Variants in SORCS1 observed in about 807,000 individuals in gnomAD.
SORCS1 encodes sortilin related VPS10 domain containing receptor 1.
SORCS1 carries 60 observed loss-of-function variants against 146.1 expected under a neutral mutation model. The observed-to-expected ratio is 0.41, with a 90% CI of 0.33 to 0.51. The LOEUF is 0.51. SORCS1 is among the 20% of genes least tolerant of loss of function. The pLI is 0.21. For missense variants in SORCS1, 1,352 were observed against 1,487.6 expected (o/e 0.91, Z 1.50); for synonymous variants, 637 against 584.0 (o/e 1.09, Z -1.31).
intron 2 of SORCS1, among the ~76,000 whole-genome samples, chr10:106,883,752 T>C (rs1201233073): frequency 6.6e-6 from 1 of 152,194 alleles, no homozygotes; most frequent in Non-Finnish European, 1.5e-5. Flanking sequence ...GTATATCTAT[T>C]GCCAGCTCTA....
At chr10:106,893,631 CA>C in intron 2 of SORCS1, among the ~76,000 whole-genome samples, 2 of 152,142 alleles carry the variant, frequency 1.3e-5, no homozygotes, top group African/African-American at 4.8e-5. Context: ...ATGTTGCATG[CA>C]AAAATTATTA....
In SORCS1 at chr10:106,709,208, G is replaced by C; in HGVS notation, c.1143+15C>G. ...AAGGTTTCTGAGACAATCAACAGAA[G>C]TGGATTTTTCCTACCTGAACAAACA... On this transcript the variant is annotated intron_variant, in intron 7 of 25. Coordinates refer to ENST00000263054, the MANE Select transcript of SORCS1 (RefSeq NM_052918.5). 1 of 1,584,734 alleles carries C rather than the reference G, an allele frequency of 6.3e-7. No homozygotes were observed. Among genetic ancestry groups the C allele is most frequent in the East Asian group, 2.2e-5 (1 of 44,682 alleles).
chr10:107,072,099 A>G (rs1316779156), intron 1 of SORCS1, among the ~76,000 whole-genome samples: 1 of 152,220 alleles, frequency 6.6e-6, no homozygotes, highest in East Asian at 1.9e-4. Flanking sequence ...CTGCTGCCCA[A>G]GTGAAGATGC....
chr10:106,635,621 G>C lies in SORCS1; in HGVS notation c.2476-6233C>G, dbSNP rs147591267. Among the ~76,000 whole-genome samples, 5 of 152,214 alleles carry C rather than the reference G, an allele frequency of 3.3e-5. No homozygotes were observed. In the East Asian group the frequency reaches 9.7e-4, roughly 29 times the overall value. On this transcript the variant is annotated intron_variant, in intron 18 of 25. Transcript: ENST00000263054. Reference sequence around the variant, plus strand: ...ATTTCTCCAAATTTAAAAGGGGGTAGAGTACTGAATAACACAAGAAACATT... The same window carrying C: ...ATTTCTCCAAATTTAAAAGGGGGTACAGTACTGAATAACACAAGAAACATT...
chr10:106,877,802 G>A (rs1159699686), intron 2 of SORCS1, among the ~76,000 whole-genome samples: 1 of 152,118 alleles, frequency 6.6e-6, no homozygotes, highest in African/African-American at 2.4e-5. Context: ...GTGCAGAGAA[G>A]AGAGGCAATG....
chr10:106,708,437 A>G (rs1025532128), intron 7 of SORCS1, among the ~76,000 whole-genome samples: 3 of 152,172 alleles, frequency 2.0e-5, no homozygotes, highest in African/African-American at 7.2e-5. Flanking sequence ...GTATACTTTT[A>G]TATATACGTA....
At chr10:106,887,124 A>G (rs1951030989) in intron 2 of SORCS1, among the ~76,000 whole-genome samples, 1 of 152,216 alleles carries the variant, frequency 6.6e-6, no homozygotes, top group Non-Finnish European at 1.5e-5. Flanking sequence ...AGACAGTATT[A>G]ATGTATTATC....
chr10:107,134,892 A>T (rs1442993795), intron 1 of SORCS1, among the ~76,000 whole-genome samples: 3 of 152,200 alleles, frequency 2.0e-5, no homozygotes, highest in Non-Finnish European at 4.4e-5. Context: ...TGCCTGTGAT[A>T]AGAAACACAC....
chr10:106,986,259 C>T (rs1030060459), intron 1 of SORCS1, among the ~76,000 whole-genome samples: 6 of 151,912 alleles, frequency 3.9e-5, no homozygotes, highest in Non-Finnish European at 8.8e-5. Flanking sequence ...TATATATACA[C>T]ATACATATGT....
chr10:106,962,126 G>T (rs117858004), intron 1 of SORCS1, among the ~76,000 whole-genome samples: 39 of 151,976 alleles, frequency 2.6e-4, no homozygotes, highest in Non-Finnish European at 4.7e-4. Context: ...AGGGCTGGGC[G>T]TGGTGGCTCA....
chr10:106,585,484 A>T (rs892379729), intron 24 of SORCS1, among the ~76,000 whole-genome samples: 1 of 152,138 alleles, frequency 6.6e-6, no homozygotes, highest in African/African-American at 2.4e-5. Context: ...CAATCTGGTG[A>T]TGGCTCCAGA....
chr10:106,724,536 T>TA (rs896749469), intron 6 of SORCS1, among the ~76,000 whole-genome samples: 7 of 151,322 alleles, frequency 4.6e-5, no homozygotes, highest in African/African-American at 1.5e-4. Flanking sequence ...AAAATAAAAA[T>TA]AAAAAAATAA....
At chr10:106,864,039 T>C (rs1950132831) in intron 2 of SORCS1, among the ~76,000 whole-genome samples, 1 of 152,160 alleles carries the variant, frequency 6.6e-6, no homozygotes, top group African/African-American at 2.4e-5. Context: ...CTTTGATTCT[T>C]CAAAACCCGC....
intron 2 of SORCS1, among the ~76,000 whole-genome samples, chr10:106,883,417 AT>A (rs11396800): frequency 0.07 from 10,024 of 143,900 alleles, 890 homozygotes; most frequent in East Asian, 0.43. Flanking sequence ...TAGCAAATGT[AT>A]TTTTTTTTTT....
At chr10:107,142,389 A>G (rs987924957) in intron 1 of SORCS1, among the ~76,000 whole-genome samples, 5 of 152,188 alleles carry the variant, frequency 3.3e-5, no homozygotes, top group African/African-American at 1.2e-4. Context: ...GTGTTCAACT[A>G]CACTCCAAAA....
chr10:106,913,565 A>AGGGTTTC (rs1329893929), intron 2 of SORCS1, among the ~76,000 whole-genome samples: 1 of 152,224 alleles, frequency 6.6e-6, no homozygotes, highest in Admixed American at 6.5e-5. Context: ...TAAGGAGACA[A>AGGGTTTC]GGGTTTCGTA....
intron 10 of SORCS1, among the ~76,000 whole-genome samples, chr10:106,686,356 T>A (rs1234647055): frequency 6.6e-6 from 1 of 152,208 alleles, no homozygotes; most frequent in African/African-American, 2.4e-5. Context: ...TAAAAGCCAT[T>A]TTTAATGGTT....
chr10:106,667,890 C>A, intron 16 of SORCS1, 88 bp from the exon 17 acceptor site: 2 of 752,764 alleles, frequency 2.7e-6, no homozygotes, highest in Non-Finnish European at 4.5e-6. Flanking sequence ...AAGTTCCACA[C>A]TAATCAATTA....
intron 1 of SORCS1, among the ~76,000 whole-genome samples, chr10:106,990,117 G>T (rs919344717): frequency 1.3e-5 from 2 of 152,054 alleles, no homozygotes; most frequent in African/African-American, 4.8e-5. Flanking sequence ...AGTAGTATAG[G>T]GCTTTCCTTT....
Sources: allele counts gnomAD v4.1 joint callset (sites outside exome capture counted in the v4.1 genomes callset), GRCh38; gene constraint gnomAD v4.1.1; transcripts MANE v1.5; gene names NCBI Gene and HGNC (gene_info 2026-07-23, HGNC 2026-07-21).